Variants in ZNF829 observed in about 807,000 individuals in gnomAD.
The protein encoded by ZNF829 is zinc finger protein 829.
ZNF829 carries 25 observed loss-of-function variants against 35.2 expected under a neutral mutation model. The ratio of observed to expected loss-of-function variants is 0.71; its 90% CI spans 0.52 to 0.99. The LOEUF is 0.99. Among genes scored for constraint, ZNF829 ranks in the 50% least tolerant of loss-of-function variants. ZNF829 has a pLI of 0.00. For missense variants in ZNF829, 417 were observed against 515.3 expected (o/e 0.81, Z 1.85); for synonymous variants, 136 against 163.2 (o/e 0.83, Z 1.27).
rs1568366785 is a variant in ZNF829 at position 36,892,114 on chromosome 19, T to C, written c.677A>G (p.Tyr226Cys). 1 of 1,613,998 alleles carries C rather than the reference T, an allele frequency of 6.2e-7. No homozygotes were observed. Among genetic ancestry groups the C allele is most frequent in the Non-Finnish European group, 8.5e-7 (1 of 1,179,988 alleles). The change falls in exon 6 of 6, where the codon TAT (tyrosine) becomes TGT (cysteine). Residue 226 changes from tyrosine (Y) to cysteine (C), a missense_variant. Transcript: ENST00000391711. The stretch of plus-strand genomic sequence containing the variant: ...GTGAATCCTCTGATGTTGAGAAAAA[T>C]ATGAACTACAACTAAAAGCCTTGCC... ...ECGKAFSCSS[Y>C]FSQHQRIHTG...
Position 36,916,248 on chromosome 19 carries a change from C to G in ZNF829, c.-322G>C. The G allele has an allele frequency of 2.9e-6, 1 of 350,760 alleles. No individual in the cohort carries two copies. The highest frequency in any genetic ancestry group is 5.8e-5 in the East Asian group (1 of 17,196). 21.7% of individuals were successfully genotyped at this position (350,760 alleles called of 1,614,324 possible). A position where few individuals can be genotyped will look rare whatever the true frequency, so the allele number is the denominator to read the frequency against. On this transcript the variant is annotated 5_prime_UTR_variant, in exon 1 of 6. Coordinates refer to ENST00000391711, the MANE Select transcript of ZNF829 (RefSeq NM_001037232.4). This position sits in a 1 kb window ranked among gnomAD's most constrained non-coding sequence, Gnocchi z 5.3. ...CAATGGAGATGAGCCTCCCGGGGAA[C>G]CCGGCCCAAGCCTCACCCTCACACA...
intron 3 of ZNF829, among the ~76,000 whole-genome samples, chr19:36,914,563 T>C (rs1212887337): frequency 6.6e-6 from 1 of 152,210 alleles, no homozygotes; most frequent in Non-Finnish European, 1.5e-5. Context: ...CATGTCTGAT[T>C]TGTATATCAT....
chr19:36,911,236 T>C (rs552814569), intron 3 of ZNF829, among the ~76,000 whole-genome samples: 5 of 151,240 alleles, frequency 3.3e-5, no homozygotes, highest in Non-Finnish European at 5.9e-5. Flanking sequence ...TCTTTGAGAC[T>C]GAGTCTACTC....
chr19:36,893,030 A>G (rs2073076227), intron 5 of ZNF829: 1 of 403,610 alleles, frequency 2.5e-6, no homozygotes, highest in Admixed American at 4.4e-5. Context: ...ATATGCTCAC[A>G]TGCACAGAGT....
At position 36,892,223 on chromosome 19, in the gene ZNF829, C is replaced by T; in HGVS notation, c.568G>A (p.Gly190Arg). The T allele has an allele frequency of 6.2e-7, 1 of 1,614,096 alleles. No individual in the cohort carries two copies. Among genetic ancestry groups the T allele is most frequent in the Non-Finnish European group, 8.5e-7 (1 of 1,180,030 alleles). Residue 190 changes from glycine to arginine, a missense_variant, in exon 6 of 6, where the codon GGG becomes AGG. Physicochemically the swap from Gly to Arg is moderately radical, Grantham distance 125. Transcript: ENST00000391711. The part of the protein sequence containing the change: ...GEKHYESKEY[G>R]KSFSRGSLVT... ...AGTGAGCCACGACTAAAGGACTTCC[C>T]ATACTCCTTAGATTCATAGTGTTTT...
intron 3 of ZNF829, among the ~76,000 whole-genome samples, chr19:36,913,439 G>C (rs766954903): frequency 2.6e-5 from 4 of 152,132 alleles, no homozygotes; most frequent in Non-Finnish European, 5.9e-5. Flanking sequence ...GATTAGAAGT[G>C]TTGAAACACA....
intron 5 of ZNF829, among the ~76,000 whole-genome samples, chr19:36,898,630 C>T (rs1464844032): frequency 6.6e-6 from 1 of 152,144 alleles, no homozygotes; most frequent in African/African-American, 2.4e-5. Flanking sequence ...GTAACCAAAA[C>T]AGCATGGTAC....
At chr19:36,903,286 G>A (rs1350116919) in intron 5 of ZNF829, among the ~76,000 whole-genome samples, 3 of 152,110 alleles carry the variant, frequency 2.0e-5, no homozygotes, top group Non-Finnish European at 4.4e-5. Context: ...TTAGAGGATG[G>A]CTATACCTTT....
intron 3 of ZNF829, among the ~76,000 whole-genome samples, chr19:36,909,772 A>T (rs1235873328): frequency 2.7e-5 from 4 of 150,720 alleles, no homozygotes; most frequent in Non-Finnish European, 4.4e-5. Context: ...GCGCCACTGC[A>T]CTCCAGCCTG....
At chr19:36,902,944 G>A (rs977056925) in intron 5 of ZNF829, among the ~76,000 whole-genome samples, 1 of 152,012 alleles carries the variant, frequency 6.6e-6, no homozygotes, top group African/African-American at 2.4e-5. Context: ...GCTGAGGCAG[G>A]AGAATCGCTT....
intron 5 of ZNF829, among the ~76,000 whole-genome samples, chr19:36,898,959 A>G (rs900397059): frequency 6.6e-6 from 1 of 152,178 alleles, no homozygotes; most frequent in Non-Finnish European, 1.5e-5. Context: ...TTTAGATAAG[A>G]CCTCAAAGAT....
chr19:36,899,325 G>GGAGGC (rs1455254674), intron 5 of ZNF829, among the ~76,000 whole-genome samples: 2 of 151,956 alleles, frequency 1.3e-5, no homozygotes, highest in Admixed American at 6.6e-5. Flanking sequence ...TGCACCTGCA[G>GGAGGC]TCTTAGCTAC....
At chr19:36,907,280 A>G (rs1406908561) in intron 5 of ZNF829, 1 of 152,152 alleles carries the variant, frequency 6.6e-6, no homozygotes, top group African/African-American at 2.4e-5. Flanking sequence ...GCGTCTATAC[A>G]AAGTTCAAAA....
chr19:36,899,271 C>G (rs997352639), intron 5 of ZNF829, among the ~76,000 whole-genome samples: 1 of 150,514 alleles, frequency 6.6e-6, no homozygotes, highest in Non-Finnish European at 1.5e-5. Context: ...GAGACCCCCC[C>G]CGATCTCTAT....
In ZNF829 at chr19:36,916,163, G is replaced by T; in HGVS notation, c.-237C>A. 1.9e-6 allele frequency: 1 copy of T among 526,798 alleles called. No homozygotes were observed. Among genetic ancestry groups the T allele is most frequent in the South Asian group, 2.5e-5 (1 of 40,314 alleles). The allele number at this position is 526,798 out of a possible 1,614,324, so 32.6% of individuals were successfully genotyped here. A position where few individuals can be genotyped will look rare whatever the true frequency, so the allele number is the denominator to read the frequency against. On this transcript the variant is annotated 5_prime_UTR_variant, in exon 1 of 6. Coordinates refer to ENST00000391711, the MANE Select transcript of ZNF829 (RefSeq NM_001037232.4). The surrounding 1 kb of genome is among the most constrained non-coding windows in gnomAD (Gnocchi z 5.3). ...TCGCCTGGGCCCACCCGAAACGGCT[G>T]CTCCCTCAACTCTCAACATCCAGCC...
chr19:36,902,345 A>G (rs554863025), intron 5 of ZNF829, among the ~76,000 whole-genome samples: 53 of 152,346 alleles, frequency 3.5e-4, no homozygotes, highest in African/African-American at 1.3e-3. Context: ...TTAAGATTAT[A>G]AAAACTAGGC....
rs930548009 is a variant in ZNF829 at position 36,890,746 on chromosome 19, C to T, written c.*746G>A. On this transcript the variant is annotated 3_prime_UTR_variant, in exon 6 of 6. Transcript: ENST00000391711. ...TGGCGCATGCCTGTAATCCCAACTA[C>T]TTGAGAGGCTGAGGCACAAGAATCG... 1 of 150,800 alleles carries T rather than the reference C, an allele frequency of 6.6e-6. No homozygotes were observed. The highest frequency in any genetic ancestry group is 2.4e-5 in the African/African-American group (1 of 40,998). 9.3% of individuals were successfully genotyped at this position (150,800 alleles called of 1,614,324 possible).
At chr19:36,914,743 G>A (rs1350095757) in intron 3 of ZNF829, among the ~76,000 whole-genome samples, 2 of 152,168 alleles carry the variant, frequency 1.3e-5, no homozygotes, top group South Asian at 4.1e-4. Flanking sequence ...AGTTATCTGA[G>A]TGGCTAAATT....
chr19:36,904,392 G>T (rs1484497179), intron 5 of ZNF829, among the ~76,000 whole-genome samples: 1 of 152,060 alleles, frequency 6.6e-6, no homozygotes, highest in Non-Finnish European at 1.5e-5. Flanking sequence ...AAAGCAGGCT[G>T]CTGTTTTTCT....
Sources: gnomAD v4.1 joint callset for allele counts (sites outside exome capture counted in the v4.1 genomes callset) on GRCh38, gnomAD v4.1.1 for gene constraint, Gnocchi (gnomAD v3.1) non-coding constraint, MANE v1.5 for transcripts, NCBI Gene and HGNC (gene_info 2026-07-23, HGNC 2026-07-21) for gene names.